The following TREM1 variants were observed in gnomAD, a reference collection of about 807,000 sequenced individuals.
TREM1 encodes triggering receptor expressed on monocytes 1.
Under a neutral mutation model 22.4 loss-of-function variants are expected in TREM1, and 16 were observed. The ratio of observed to expected loss-of-function variants is 0.71; its 90% confidence interval spans 0.48 to 1.08. TREM1 has a LOEUF of 1.08. Ranked by LOEUF, TREM1 falls within the 50% of genes least tolerant of loss-of-function variation. TREM1 has a pLI of 0.00. For missense variants in TREM1, 283 were observed against 282.9 expected (o/e 1.00, Z 0.00); for synonymous variants, 110 against 111.6 (o/e 0.99, Z 0.09).
intron 3 of TREM1, among the ~76,000 whole-genome samples, chr6:41,268,257 T>C (rs116105501): frequency 2.6e-4 from 40 of 152,284 alleles, no homozygotes; most frequent in African/African-American, 9.4e-4. Flanking sequence ...CCTCAAGTTT[T>C]CTCCAGTTCC....
chr6:41,283,709 T>TAA lies in TREM1; in HGVS notation c.50-960_50-959dup, dbSNP rs545773140. On this transcript the variant is annotated intron_variant, in intron 1 of 3. Coordinates refer to ENST00000244709, the MANE Select transcript of TREM1 (RefSeq NM_018643.5). The stretch of plus-strand genomic sequence containing the variant: ...CCTGGGCCACAGGGCAAGACTCTGT[T>TAA]AAAAAAAAAAACACACACACACACA... Among the ~76,000 whole-genome samples, 92 of 148,914 alleles carry TAA rather than the reference T, an allele frequency of 6.2e-4. 1 individual carries two copies. Among genetic ancestry groups the TAA allele is most frequent in the Admixed American group, 3.5e-3 (53 of 15,028 alleles).
At chr6:41,270,018 C>T (rs1439876753), downstream of TREM1, 3 of 152,302 alleles carry the variant, frequency 2.0e-5, no homozygotes, top group African/African-American at 4.8e-5. Flanking sequence ...GATAATCCTC[C>T]AGCAGGTACC....
chr6:41,282,640 G>A lies in TREM1; in HGVS notation c.161C>T (p.Ala54Val). The A allele has an allele frequency of 6.2e-7, 1 of 1,614,192 alleles. No individual in the cohort carries two copies. The highest frequency in any genetic ancestry group is 1.1e-5 in the South Asian group (1 of 91,088). ...CTCTCCGTCCCTTATTATCTGCCAAGCTTTCTGGCTGCTGGCAAACTTCTC... is the reference window on the plus strand; with the variant it reads ...CTCTCCGTCCCTTATTATCTGCCAAACTTTCTGGCTGCTGGCAAACTTCTC... ...TLEKFASSQK[A>V]WQIIRDGEMP... The change falls in exon 2 of 4, where the codon GCT (alanine) becomes GTT (valine). Residue 54 changes from alanine (A) to valine (V), a missense_variant. Transcript: ENST00000244709.
intron 2 of TREM1, chr6:41,281,486 G>T: frequency 3.4e-6 from 1 of 298,474 alleles, no homozygotes; most frequent in Non-Finnish European, 6.3e-6. Flanking sequence ...CTTGCCTTCT[G>T]TTCTTCACCA....
intron 3 of TREM1, among the ~76,000 whole-genome samples, chr6:41,279,033 C>A (rs373387160): frequency 6.6e-6 from 1 of 152,166 alleles, no homozygotes; most frequent in East Asian, 1.9e-4. Flanking sequence ...TCTCCCCATG[C>A]CCCAGCAGCA....
At chr6:41,279,475 A>G (rs1232093080) in intron 3 of TREM1, 8 of 961,308 alleles carry the variant, frequency 8.3e-6, no homozygotes, top group African/African-American at 1.8e-5. Flanking sequence ...GGCAAAGATT[A>G]TGTTCTCTTA....
rs754910307 is a variant in TREM1 at position 41,281,088 on chromosome 6, T to C, written c.472A>G (p.Thr158Ala). The C allele has an allele frequency of 6.2e-7, 1 of 1,613,984 alleles. No individual in the cohort carries two copies. ...TQNVYKIPPT[T>A]TKALCPLYTS... ...TAGAGTGGGCACAAGGCCTTAGTGG[T>C]GGTAGGAGGAATCTTATACACATTC... Residue 158 changes from threonine to alanine, a missense_variant, in exon 3 of 4, where the codon ACC becomes GCC. Physicochemically the swap from Thr to Ala is moderately conservative, Grantham distance 58. Coordinates refer to ENST00000244709, the MANE Select transcript of TREM1 (RefSeq NM_018643.5).
intron 3 of TREM1, 71 bp downstream of exon 3, chr6:41,280,890 T>C: frequency 6.2e-7 from 1 of 1,609,966 alleles, no homozygotes; most frequent in Non-Finnish European, 8.5e-7. Context: ...TTTCACATCC[T>C]CTCAGCACAC....
intron 3 of TREM1, 105 bp from the exon 4 acceptor site, chr6:41,276,335 C>T (rs184486159): frequency 3.2e-4 from 246 of 780,838 alleles, no homozygotes; most frequent in Non-Finnish European, 5.2e-4. Flanking sequence ...CTGCTTAGAT[C>T]CTTGCTCCAC....
rs545999112 is a variant in TREM1 at position 41,273,667 on chromosome 6, G to A, written c.*2458C>T. Reference sequence around the variant, plus strand: ...TAGAATTTAGGGAATCCAGTAAGGGGTGCTTCAGTATGCTGAGGCTGGCAA... The same window carrying A: ...TAGAATTTAGGGAATCCAGTAAGGGATGCTTCAGTATGCTGAGGCTGGCAA... On this transcript the variant is annotated 3_prime_UTR_variant, in exon 4 of 4. Transcript: ENST00000244709. Among the ~76,000 whole-genome samples, 10 of 152,372 alleles carry A rather than the reference G, an allele frequency of 6.6e-5. No homozygotes were observed. Among genetic ancestry groups the A allele is most frequent in the East Asian group, 3.9e-4 (2 of 5,188 alleles).
downstream of TREM1, among the ~76,000 whole-genome samples, chr6:41,271,869 C>T (rs1031311425): frequency 7.2e-5 from 11 of 152,180 alleles, no homozygotes; most frequent in African/African-American, 2.4e-4. Flanking sequence ...GCTGGGCTGT[C>T]TACATCCCTC....
Position 41,281,024 on chromosome 6 carries a change from G to A in TREM1, c.536C>T (p.Ser179Leu). ...GTCAGGAGTGGAGACATCGGCAGTT[G>A]ACTTGGGTGGAGCTTGGGTCACAGT... The part of the protein sequence containing the change: ...PRTVTQAPPK[S>L]TADVSTPDSE... Residue 179 changes from serine to leucine, a missense_variant, in exon 3 of 4, where the codon TCA (serine) becomes TTA (leucine). Ser to Leu is a moderately radical substitution (Grantham distance 145). Coordinates refer to ENST00000244709, the MANE Select transcript of TREM1 (RefSeq NM_018643.5). 6.2e-7 allele frequency: 1 copy of A among 1,614,238 alleles called. No individual in the cohort carries two copies. Among genetic ancestry groups the A allele is most frequent in the African/African-American group, 1.3e-5 (1 of 75,062 alleles).
chr6:41,281,238 G>A, intron 2 of TREM1, 85 bp from the exon 3 acceptor site: 1 of 1,459,018 alleles, frequency 6.9e-7, no homozygotes, highest in Non-Finnish European at 9.3e-7. Context: ...ATGGATGTAT[G>A]GATGAAAATG....
intron 3 of TREM1, among the ~76,000 whole-genome samples, chr6:41,276,897 T>C (rs765371641): frequency 1.3e-5 from 2 of 152,044 alleles, no homozygotes; most frequent in Non-Finnish European, 2.9e-5. Flanking sequence ...GTCCAGTGGA[T>C]AAGCCGGACG....
chr6:41,284,516 C>T (rs774540116), intron 1 of TREM1, among the ~76,000 whole-genome samples: 1 of 152,186 alleles, frequency 6.6e-6, no homozygotes, highest in Non-Finnish European at 1.5e-5. Flanking sequence ...GCTGGACACA[C>T]AGGGCTCTCT....
chr6:41,270,633 C>T (rs1387259003), downstream of TREM1, among the ~76,000 whole-genome samples: 1 of 152,096 alleles, frequency 6.6e-6, no homozygotes, highest in Admixed American at 6.5e-5. Context: ...AAGAACTTCA[C>T]CAGATTTACC....
intron 3 of TREM1, chr6:41,280,664 G>C (rs1270288960): frequency 2.9e-6 from 4 of 1,403,324 alleles, no homozygotes; most frequent in Non-Finnish European, 3.7e-6. Context: ...CAGGCCCCTG[G>C]GGTTGGATGA....
chr6:41,269,586 T>C (rs1218030295), downstream of TREM1, among the ~76,000 whole-genome samples: 1 of 152,246 alleles, frequency 6.6e-6, no homozygotes, highest in African/African-American at 2.4e-5. Flanking sequence ...AACCAGTTTC[T>C]CTAGCGGCCC....
chr6:41,286,380 AC>A (rs1439966772), intron 1 of TREM1, among the ~76,000 whole-genome samples: 1 of 152,188 alleles, frequency 6.6e-6, no homozygotes, highest in African/African-American at 2.4e-5. Context: ...CATGTCTCTA[AC>A]AACATCGACA....
Sources: gnomAD v4.1 joint callset for allele counts (sites outside exome capture counted in the v4.1 genomes callset) on GRCh38, gnomAD v4.1.1 for gene constraint, MANE v1.5 for transcripts, NCBI Gene and HGNC (gene_info 2026-07-23, HGNC 2026-07-21) for gene names.